Variants in KNSTRN observed in about 807,000 individuals in gnomAD.
KNSTRN encodes kinetochore localized astrin (SPAG5) binding protein.
In KNSTRN, 38 loss-of-function variants were observed where a neutral mutation model predicts 44.7. That is an observed-to-expected ratio of 0.85 (90% CI 0.66 to 1.11). The LOEUF (loss-of-function observed/expected upper bound fraction) is 1.11. KNSTRN is among the 50% of genes most tolerant of loss of function. The pLI, the probability that KNSTRN is intolerant of heterozygous loss-of-function variation, is 0.00. For missense variants in KNSTRN, 406 were observed against 375.8 expected (o/e 1.08, Z -0.66); for synonymous variants, 158 against 148.1 (o/e 1.07, Z -0.48).
chr15:40,383,130 C>G (rs1889841546), intron 1 of KNSTRN, 86 bp downstream of exon 1: 7 of 1,589,284 alleles, frequency 4.4e-6, no homozygotes, highest in Non-Finnish European at 6.0e-6. Context: ...CTTTTCCAAC[C>G]CCGAGCCGGG....
chr15:40,382,960 ACTTAG>A lies in KNSTRN; in HGVS notation c.127_131del (p.Leu43ArgfsTer40). 1 of 1,612,234 alleles carries A rather than the reference ACTTAG, an allele frequency of 6.2e-7. No individual in the cohort carries two copies. The highest frequency in any genetic ancestry group is 8.5e-7 in the Non-Finnish European group (1 of 1,180,038). On this transcript the variant is annotated frameshift_variant, in exon 1 of 9. Transcript: ENST00000249776. LOFTEE classifies it high-confidence loss of function. ...TTTCTATTTGAAACCCAGGCGGCCG[ACTTAG>A]CCGGTGGCACGACAGTTGCTGCAGG...
At chr15:40,390,250 C>T (rs562123183) in intron 6 of KNSTRN, among the ~76,000 whole-genome samples, 1 of 152,218 alleles carries the variant, frequency 6.6e-6, no homozygotes, top group Non-Finnish European at 1.5e-5. Flanking sequence ...CATTTTCTGT[C>T]TCTTCCTATT....
At chr15:40,386,119 C>T (rs1293328190) in intron 2 of KNSTRN, among the ~76,000 whole-genome samples, 6 of 152,090 alleles carry the variant, frequency 3.9e-5, no homozygotes, top group Non-Finnish European at 5.9e-5. Context: ...TCCAGCTACT[C>T]GGGAGGCTGA....
chr15:40,393,353 C>A, intron 8 of KNSTRN, 116 bp from the exon 9 acceptor site: 1 of 1,593,966 alleles, frequency 6.3e-7, no homozygotes, highest in Non-Finnish European at 8.5e-7. Context: ...TGTTGATACT[C>A]CAGTGGTCTT....
intron 4 of KNSTRN, among the ~76,000 whole-genome samples, chr15:40,388,736 G>A (rs1171307123): frequency 6.6e-6 from 1 of 151,746 alleles, no homozygotes; most frequent in East Asian, 1.9e-4. Flanking sequence ...TCCGCCCTTG[G>A]CAGGCCAGGT....
At chr15:40,392,949 A>G (rs8031994) in intron 8 of KNSTRN, among the ~76,000 whole-genome samples, 22,426 of 151,778 alleles carry the variant, frequency 0.15, 1,789 homozygotes, top group African/African-American at 0.18. Flanking sequence ...ACATCAGTAC[A>G]TTACTATTAA....
Position 40,393,667 on chromosome 15 carries a change from C to T in KNSTRN, c.*70C>T. ...CAGAGGAAGCTACTTAGGACATCAT[C>T]TTGGCCATGATCTTCTGGGACTCAC... On this transcript the variant is annotated 3_prime_UTR_variant, in exon 9 of 9. Coordinates refer to ENST00000249776, the MANE Select transcript of KNSTRN (RefSeq NM_033286.4). 1 of 1,414,790 alleles carries T rather than the reference C, an allele frequency of 7.1e-7. No individual in the cohort carries two copies. The highest frequency in any genetic ancestry group is 9.7e-7 in the Non-Finnish European group (1 of 1,026,038). 87.6% of individuals were successfully genotyped at this position (1,414,790 alleles called of 1,614,324 possible). A position where few individuals can be genotyped will look rare whatever the true frequency, so the allele number is the denominator to read the frequency against.
intron 2 of KNSTRN, chr15:40,384,527 A>C (rs554530025): frequency 1.1e-5 from 5 of 455,370 alleles, no homozygotes; most frequent in South Asian, 6.2e-5. Flanking sequence ...CAGGTCTCTC[A>C]GCTGCTGTGT....
chr15:40,389,440 C>T (rs764225915), intron 4 of KNSTRN, 66 bp from the exon 5 acceptor site: 12 of 1,209,556 alleles, frequency 9.9e-6, no homozygotes, highest in African/African-American at 7.5e-5. Context: ...CATGAGCTAC[C>T]GCACCTGGTG....
chr15:40,386,328 T>C (rs1266616587), intron 2 of KNSTRN, 34 bp from the exon 3 acceptor site: 1 of 1,603,946 alleles, frequency 6.2e-7, no homozygotes. Context: ...CGGGTCATGA[T>C]GCCAGAAGCT....
rs942530558 is a variant in KNSTRN at position 40,393,965 on chromosome 15, A to G, written c.*368A>G. 1 of 176,482 alleles carries G rather than the reference A, an allele frequency of 5.7e-6. No individual in the cohort carries two copies. The highest frequency in any genetic ancestry group is 1.2e-5 in the Non-Finnish European group (1 of 83,468). 10.9% of individuals were successfully genotyped at this position (176,482 alleles called of 1,614,324 possible). ...TCACATTCAGATTTTCAGGAAGAAAATCTTCATTACAGTGGAGCACAAATG... is the reference window on the plus strand; with the variant it reads ...TCACATTCAGATTTTCAGGAAGAAAGTCTTCATTACAGTGGAGCACAAATG... On this transcript the variant is annotated 3_prime_UTR_variant, in exon 9 of 9. Transcript: ENST00000249776.
chr15:40,385,290 C>T (rs866675589), intron 2 of KNSTRN, among the ~76,000 whole-genome samples: 8 of 152,080 alleles, frequency 5.3e-5, no homozygotes, highest in Non-Finnish European at 7.4e-5. Flanking sequence ...TGTGTGGTTG[C>T]GGGGCTGGCA....
rs1215257740 is a variant in KNSTRN, at chr15:40,383,436, A to C, written c.304+114A>C. On this transcript the variant is annotated intron_variant, in intron 2 of 8. Coordinates refer to ENST00000249776, the MANE Select transcript of KNSTRN (RefSeq NM_033286.4). Reference sequence around the variant, plus strand: ...GGAAGGGCGTCCCGTCGGCCCTGAAAACCTGTGAGCCCCCTATAACCAGGC... The same window carrying C: ...GGAAGGGCGTCCCGTCGGCCCTGAACACCTGTGAGCCCCCTATAACCAGGC... 4.1e-6 allele frequency: 3 copies of C among 732,534 alleles called. No homozygotes were observed. In the East Asian group the frequency reaches 8.0e-5, roughly 20 times the overall value. The allele number at this position is 732,534 out of a possible 1,614,324, so 45.4% of individuals were successfully genotyped here.
rs777193496 is a variant in KNSTRN at position 40,392,020 on chromosome 15, AC to A, written c.820del (p.Gln274ArgfsTer3). The A allele has an allele frequency of 6.2e-7, 1 of 1,608,886 alleles. No individual in the cohort carries two copies. Among genetic ancestry groups the A allele is most frequent in the Non-Finnish European group, 8.5e-7 (1 of 1,177,872 alleles). On this transcript the variant is annotated frameshift_variant and splice_region_variant, in exon 8 of 9. Transcript: ENST00000249776. LOFTEE classifies it high-confidence loss of function. Reference protein sequence around the residue: ...ETAKKQMEELQALKVKLEMKE... With the variant: ...ETAKKQMEELXALKVKLEMKE... ...CAGCCAAAAAGCAGATGGAGGAGTT[AC>A]AGGTGAGAGGCAGACATCACCCTGA...
At chr15:40,383,167 C>A in intron 1 of KNSTRN, 61 bp from the exon 2 acceptor site, 1 of 1,580,668 alleles carries the variant, frequency 6.3e-7, no homozygotes, top group Middle Eastern at 1.7e-4. Flanking sequence ...TATCCCCGGG[C>A]CCTCCACTCT....
At chr15:40,391,627 C>A in intron 7 of KNSTRN, 73 bp downstream of exon 7, 3 of 1,224,976 alleles carry the variant, frequency 2.4e-6, no homozygotes, top group Non-Finnish European at 3.6e-6. Context: ...AAGGTCTCTG[C>A]TATATATTCC....
intron 2 of KNSTRN, chr15:40,383,556 CAGTT>C (rs1889852250): frequency 4.3e-6 from 2 of 464,250 alleles, no homozygotes; most frequent in Admixed American, 3.8e-5. Context: ...CTGTATTCAT[CAGTT>C]AGATTCAAGT....
intron 4 of KNSTRN, among the ~76,000 whole-genome samples, chr15:40,387,565 G>A (rs1406179719): frequency 3.3e-5 from 5 of 152,180 alleles, no homozygotes; most frequent in African/African-American, 1.2e-4. Flanking sequence ...GATTCTGGTG[G>A]TGGTGGTGGT....
Position 40,393,748 on chromosome 15 carries a change from A to G in KNSTRN, c.*151A>G. ...AGACTTAAGGACAGTTTATGCTGAA[A>G]TGGCAATTCCTCATTTAAGCAAGTT... is the stretch of plus-strand genomic sequence containing the variant. On this transcript the variant is annotated 3_prime_UTR_variant, in exon 9 of 9. Coordinates refer to ENST00000249776, the MANE Select transcript of KNSTRN (RefSeq NM_033286.4). The G allele has an allele frequency of 2.9e-6, 2 of 695,610 alleles. No homozygotes were observed. Among genetic ancestry groups the G allele is most frequent in the Non-Finnish European group, 4.5e-6 (2 of 447,008 alleles). The allele number at this position is 695,610 out of a possible 1,614,324, so 43.1% of individuals were successfully genotyped here.
Sources: allele counts gnomAD v4.1 joint callset (sites outside exome capture counted in the v4.1 genomes callset), GRCh38; gene constraint gnomAD v4.1.1; transcripts MANE v1.5; gene names NCBI Gene and HGNC (gene_info 2026-07-23, HGNC 2026-07-21).